COG3: variants seen among roughly 807,000 people sequenced by gnomAD.
The protein encoded by COG3 is component of oligomeric golgi complex 3, also known as conserved oligomeric Golgi complex subunit 3.
Under a neutral mutation model 114.1 loss-of-function variants are expected in COG3, and 32 were observed. That is an observed-to-expected ratio of 0.28 (90% confidence interval 0.21 to 0.38). The LOEUF is 0.38. COG3 is among the 10% of genes least tolerant of loss of function. COG3 has a pLI of 1.00. For synonymous variants in COG3, 352 were observed against 365.7 expected (o/e 0.96, Z 0.43); for missense variants, 813 against 973.2 (o/e 0.84, Z 2.19).
chr13:45,530,028 C>A, intron 21 of COG3, 110 bp downstream of exon 21: 2 of 1,197,308 alleles, frequency 1.7e-6, no homozygotes, highest in Non-Finnish European at 2.2e-6. Context: ...GTATACTGTT[C>A]TAGTGAAGTT....
At chr13:45,484,601 TTTATTTA>T (rs1427432553) in intron 7 of COG3, among the ~76,000 whole-genome samples, 1 of 151,258 alleles carries the variant, frequency 6.6e-6, no homozygotes, top group Admixed American at 6.6e-5. Flanking sequence ...TATTTATTTA[TTTATTTA>T]TTTATTTTTT....
intron 13 of COG3, among the ~76,000 whole-genome samples, chr13:45,500,484 TTTC>T (rs2137853407): frequency 6.6e-6 from 1 of 152,348 alleles, no homozygotes; most frequent in South Asian, 2.1e-4. Context: ...TACTATCCTG[TTTC>T]TATTTAGACT....
intron 17 of COG3, among the ~76,000 whole-genome samples, chr13:45,518,288 C>G (rs1481898186): frequency 1.3e-5 from 2 of 152,184 alleles, no homozygotes; most frequent in Non-Finnish European, 2.9e-5. Context: ...GCTAATACTT[C>G]ACATAGATTC....
intron 13 of COG3, among the ~76,000 whole-genome samples, chr13:45,500,800 C>G (rs926751969): frequency 3.3e-5 from 5 of 152,170 alleles, no homozygotes; most frequent in Non-Finnish European, 5.9e-5. Context: ...CCACGTTGCA[C>G]TTAGTTTTTA....
At chr13:45,484,807 C>G (rs9670755) in intron 7 of COG3, among the ~76,000 whole-genome samples, 11,404 of 140,376 alleles carry the variant, frequency 0.081, 507 homozygotes, top group African/African-American at 0.27. Flanking sequence ...TGACTCTTAA[C>G]GAGCATGCTG....
rs561949596 is a variant in COG3 at position 45,505,195 on chromosome 13, A to T, written c.1594+1846A>T. On this transcript the variant is annotated intron_variant, in intron 14 of 22. Coordinates refer to ENST00000349995, the MANE Select transcript of COG3 (RefSeq NM_031431.4). The stretch of plus-strand genomic sequence containing the variant: ...GAGTGAGACTCCATCTCAGAAAAAT[A>T]AAAAAAAAAAGGAAAATATCTTATT... Among the ~76,000 whole-genome samples, 18 of 145,564 alleles carry T rather than the reference A, an allele frequency of 1.2e-4. No individual in the cohort carries two copies. In the East Asian group the frequency reaches 3.0e-3, roughly 24 times the overall value.
At chr13:45,479,715 A>AC (rs1287770621) in intron 3 of COG3, among the ~76,000 whole-genome samples, 1 of 152,172 alleles carries the variant, frequency 6.6e-6, no homozygotes, top group African/African-American at 2.4e-5. Flanking sequence ...TGGGGCTTGG[A>AC]CCCAGGTCTT....
intron 8 of COG3, 92 bp downstream of exon 8, chr13:45,486,667 C>T (rs749376927): frequency 3.4e-5 from 27 of 791,364 alleles, no homozygotes; most frequent in Non-Finnish European, 4.5e-5. Context: ...TTGTTTATAC[C>T]GAGGAAGTGA....
chr13:45,517,340 T>TAG (rs1389920557), intron 17 of COG3, among the ~76,000 whole-genome samples: 98 of 152,318 alleles, frequency 6.4e-4, no homozygotes, highest in Non-Finnish European at 1.3e-3. Context: ...TGATAGTGGA[T>TAG]TTGATTTAAC....
chr13:45,475,501 G>A (rs947510655), intron 1 of COG3, among the ~76,000 whole-genome samples: 1 of 152,124 alleles, frequency 6.6e-6, no homozygotes, highest in Non-Finnish European at 1.5e-5. Context: ...ACTGAACCCG[G>A]TCATTGGGTG....
intron 14 of COG3, 64 bp downstream of exon 14, chr13:45,503,413 C>T: frequency 1.1e-6 from 1 of 884,906 alleles, no homozygotes; most frequent in South Asian, 1.4e-5. Flanking sequence ...TTACTGAGGA[C>T]TTGTCCTGTC....
intron 20 of COG3, 99 bp downstream of exon 20, chr13:45,525,150 A>C (rs1267622947): frequency 8.9e-6 from 8 of 902,906 alleles, no homozygotes; most frequent in Non-Finnish European, 1.4e-5. Context: ...TTTCCTATTC[A>C]CTCTGGGGTG....
At position 45,518,796 on chromosome 13, in the gene COG3, C is replaced by T. The variant is rs1272762618; in HGVS notation, c.1965C>T (p.Val655=). Residue 655 remains valine, a synonymous_variant, in exon 18 of 23, where the codon GTC becomes GTT. Coordinates refer to ENST00000349995, the MANE Select transcript of COG3 (RefSeq NM_031431.4). The part of the protein sequence containing the change: ...AAFKILNPMT[V]PRFFRLNSNN... ...TTAAAATCCTGAACCCTATGACTGT[C>T]CCAAGATTTTTTAGGCTGAATAGCA... is the stretch of plus-strand genomic sequence containing the variant. The T allele has an allele frequency of 6.2e-7, 1 of 1,613,942 alleles. No individual in the cohort carries two copies. Among genetic ancestry groups the T allele is most frequent in the Non-Finnish European group, 8.5e-7 (1 of 1,179,924 alleles).
chr13:45,467,013 G>A (rs1885183442), intron 1 of COG3, among the ~76,000 whole-genome samples: 1 of 152,234 alleles, frequency 6.6e-6, no homozygotes, highest in Non-Finnish European at 1.5e-5. Flanking sequence ...GGTATGTTCA[G>A]ATGGTGGTCC....
chr13:45,491,652 C>A, intron 10 of COG3, 114 bp downstream of exon 10: 3 of 941,528 alleles, frequency 3.2e-6, no homozygotes, highest in African/African-American at 1.7e-5. Flanking sequence ...ACTGAAAAAG[C>A]ATGTTTTTCA....
intron 2 of COG3, among the ~76,000 whole-genome samples, chr13:45,477,793 A>G (rs750795671): frequency 7.2e-5 from 11 of 151,764 alleles, no homozygotes; most frequent in Non-Finnish European, 1.2e-4. Context: ...CGCCAGGCTA[A>G]TTTTTTGTAT....
intron 7 of COG3, 58 bp downstream of exon 7, chr13:45,483,413 A>C: frequency 7.3e-7 from 1 of 1,372,086 alleles, no homozygotes; most frequent in Non-Finnish European, 9.7e-7. Context: ...TGATTCATTC[A>C]TCTTCCATAA....
chr13:45,514,574 G>A (rs929043788), intron 16 of COG3, among the ~76,000 whole-genome samples: 14 of 152,062 alleles, frequency 9.2e-5, no homozygotes, highest in Non-Finnish European at 2.1e-4. Flanking sequence ...TATTATAAGA[G>A]GTTTAAATAT....
chr13:45,519,886 G>C (rs1451657546), intron 19 of COG3, among the ~76,000 whole-genome samples: 1 of 152,162 alleles, frequency 6.6e-6, no homozygotes, highest in Non-Finnish European at 1.5e-5. Flanking sequence ...TGCCAGCAAA[G>C]AGAAAAGCAG....
Sources: gnomAD v4.1 joint callset for allele counts (sites outside exome capture counted in the v4.1 genomes callset) on GRCh38, gnomAD v4.1.1 for gene constraint, MANE v1.5 for transcripts, NCBI Gene and HGNC (gene_info 2026-07-23, HGNC 2026-07-21) for gene names.